Variants in XYLT1 observed in about 807,000 individuals in gnomAD.
The protein encoded by XYLT1 is beta-D-xylosyltransferase 1.
XYLT1 carries 36 observed loss-of-function variants against 91.3 expected under a neutral mutation model. The ratio of observed to expected loss-of-function variants is 0.39; its 90% CI spans 0.30 to 0.52. XYLT1 has a LOEUF of 0.52. XYLT1 is among the 20% of genes least tolerant of loss of function. The pLI, the probability that XYLT1 is intolerant of heterozygous loss-of-function variation, is 0.68. For synonymous variants in XYLT1, 588 were observed against 532.0 expected, an observed-to-expected ratio of 1.11 and a Z score of -1.45; for missense variants, 1,242 against 1,284.5, an observed-to-expected ratio of 0.97 and a Z score of 0.51.
In XYLT1 at chr16:17,175,326, T is replaced by C. The variant is rs559206281; in HGVS notation, c.1290-16417A>G. The stretch of plus-strand genomic sequence containing the variant: ...ACGTGTCTAATAATCATGATGATCA[T>C]AACAATAATAAGTATAGAATATAAG... On this transcript the variant is annotated intron_variant, in intron 5 of 11. Transcript: ENST00000261381. 4.6e-5 allele frequency among the ~76,000 whole-genome samples: 7 copies of C among 152,282 alleles called. No homozygotes were observed. The East Asian group carries it at 7.7e-4, about 17-fold the overall frequency.
intron 3 of XYLT1, among the ~76,000 whole-genome samples, chr16:17,255,645 C>T (rs10500397): frequency 3.9e-5 from 6 of 152,152 alleles, no homozygotes; most frequent in Non-Finnish European, 7.3e-5. Flanking sequence ...GGAACCACCT[C>T]GACCACTTAG....
At chr16:17,109,108 G>T in intron 11 of XYLT1, 91 bp from the exon 12 acceptor site, 1 of 1,207,066 alleles carries the variant, frequency 8.3e-7, no homozygotes, top group Non-Finnish European at 1.1e-6. Context: ...TGCACTGGGT[G>T]CCATGCATCG....
chr16:17,328,862 GT>G (rs1445257761), intron 2 of XYLT1, among the ~76,000 whole-genome samples: 8 of 152,176 alleles, frequency 5.3e-5, no homozygotes, highest in Non-Finnish European at 1.2e-4. Context: ...TTCCTTAAAA[GT>G]AAAGCTTAAC....
At chr16:17,219,545 C>CAGGCAGGCA (rs2032926437) in intron 3 of XYLT1, among the ~76,000 whole-genome samples, 3 of 152,194 alleles carry the variant, frequency 2.0e-5, no homozygotes, top group Non-Finnish European at 2.9e-5. Context: ...AGGCAGGTCA[C>CAGGCAGGCA]TCTTCGACCT....
intron 6 of XYLT1, among the ~76,000 whole-genome samples, chr16:17,141,691 A>G (rs2030980232): frequency 6.6e-6 from 1 of 152,196 alleles, no homozygotes; most frequent in African/African-American, 2.4e-5. Flanking sequence ...CCTTCTCTAG[A>G]GAACTTTGGC....
chr16:17,389,051 G>A (rs1055212843), intron 1 of XYLT1, among the ~76,000 whole-genome samples: 3 of 152,216 alleles, frequency 2.0e-5, no homozygotes, highest in Non-Finnish European at 4.4e-5. Context: ...TTGTAGCTAA[G>A]TCACGTGGGC....
At chr16:17,311,618 A>G (rs2034551631) in intron 2 of XYLT1, among the ~76,000 whole-genome samples, 1 of 152,126 alleles carries the variant, frequency 6.6e-6, no homozygotes, top group South Asian at 2.1e-4. Flanking sequence ...TTCTTCAACA[A>G]CGTTGATGCT....
chr16:17,274,389 T>G (rs980863202), intron 2 of XYLT1, among the ~76,000 whole-genome samples: 1 of 152,130 alleles, frequency 6.6e-6, no homozygotes, highest in African/African-American at 2.4e-5. Context: ...GGGCTGGGTC[T>G]GCTGGGGTTA....
chr16:17,361,506 G>C (rs1032442767), intron 1 of XYLT1, among the ~76,000 whole-genome samples: 6 of 152,166 alleles, frequency 3.9e-5, no homozygotes, highest in African/African-American at 1.4e-4. Flanking sequence ...AATAATACAT[G>C]CTCTTTCTCT....
At chr16:17,115,006 A>G (rs888471128) in intron 11 of XYLT1, among the ~76,000 whole-genome samples, 15 of 151,910 alleles carry the variant, frequency 9.9e-5, no homozygotes, top group African/African-American at 3.6e-4. Flanking sequence ...CACCATGCCC[A>G]GCTAATTTTT....
At chr16:17,246,138 T>G (rs1171993221) in intron 3 of XYLT1, among the ~76,000 whole-genome samples, 1 of 152,224 alleles carries the variant, frequency 6.6e-6, no homozygotes, top group African/African-American at 2.4e-5. Flanking sequence ...AGAGCCTGGC[T>G]CTGCTACTGG....
rs1050351223 is a variant in XYLT1 at position 17,141,695 on chromosome 16, C to A, written c.1371-326G>T. Reference sequence around the variant, plus strand: ...CTACAGCTACTCCTTCTCTAGAGAACTTTGGCAACAACCTCCTTATGCCAT... The same window carrying A: ...CTACAGCTACTCCTTCTCTAGAGAAATTTGGCAACAACCTCCTTATGCCAT... On this transcript the variant is annotated intron_variant, in intron 6 of 11. Transcript: ENST00000261381. Among the ~76,000 whole-genome samples, 3 of 152,260 alleles carry A rather than the reference C, an allele frequency of 2.0e-5. No individual in the cohort carries two copies. In the South Asian group the frequency reaches 6.2e-4, roughly 32 times the overall value.
chr16:17,201,758 G>GAGCC (rs1362591559), intron 3 of XYLT1, among the ~76,000 whole-genome samples: 2 of 152,148 alleles, frequency 1.3e-5, no homozygotes, highest in African/African-American at 4.8e-5. Context: ...TTACAGACGT[G>GAGCC]AGCCACTGTG....
At chr16:17,449,395 G>C (rs9938199) in intron 1 of XYLT1, among the ~76,000 whole-genome samples, 8,601 of 152,304 alleles carry the variant, frequency 0.056, 333 homozygotes, top group African/African-American at 0.098. Flanking sequence ...CTGCAGCTGT[G>C]GACACTTCCC....
rs911397200 is a variant in XYLT1 at position 17,419,178 on chromosome 16, C to A, written c.363+51256G>T. Among the ~76,000 whole-genome samples the A allele has an allele frequency of 2.6e-5, 4 of 151,424 alleles. No homozygotes were observed. The South Asian group carries it at 8.4e-4, about 32-fold the overall frequency. ...TTCCTTTGATTTGAGTATGGAATGA[C>A]CTTGGCTAGTTCGTGAAGCCATCCA... is the stretch of plus-strand genomic sequence containing the variant. On this transcript the variant is annotated intron_variant, in intron 1 of 11. Transcript: ENST00000261381.
At chr16:17,379,725 G>GCT (rs2035647245) in intron 1 of XYLT1, among the ~76,000 whole-genome samples, 1 of 128,438 alleles carries the variant, frequency 7.8e-6, no homozygotes, top group Non-Finnish European at 1.6e-5. Flanking sequence ...TGAAATGAAG[G>GCT]ATATCTCTCT....
At chr16:17,269,792 T>TTTATTA (rs60773820) in intron 2 of XYLT1, among the ~76,000 whole-genome samples, 3,038 of 141,688 alleles carry the variant, frequency 0.021, 50 homozygotes, top group African/African-American at 0.05. Context: ...TCCTTCTCCC[T>TTTATTA]TTATTATTAT....
intron 2 of XYLT1, among the ~76,000 whole-genome samples, chr16:17,286,373 C>G (rs2034140865): frequency 6.6e-6 from 1 of 152,060 alleles, no homozygotes; most frequent in Non-Finnish European, 1.5e-5. Context: ...ATTAATACAT[C>G]CAAGAATGTT....
chr16:17,330,923 T>C (rs2034887969), intron 2 of XYLT1, among the ~76,000 whole-genome samples: 1 of 152,192 alleles, frequency 6.6e-6, no homozygotes, highest in African/African-American at 2.4e-5. Context: ...ACTGCTGCCC[T>C]TGAATTGCTG....
Sources: allele counts gnomAD v4.1 joint callset (sites outside exome capture counted in the v4.1 genomes callset), GRCh38; gene constraint gnomAD v4.1.1; transcripts MANE v1.5; gene names NCBI Gene and HGNC (gene_info 2026-07-23, HGNC 2026-07-21).